FBXL18: variants seen among roughly 807,000 people sequenced by gnomAD.
FBXL18 encodes F-box/LRR-repeat protein 18.
A neutral mutation model predicts 46.0 loss-of-function variants in FBXL18; 36 were observed. That is an observed-to-expected ratio of 0.78 (90% CI 0.60 to 1.03). The LOEUF (loss-of-function observed/expected upper bound fraction) is 1.03, where lower values mean the gene tolerates loss of function less well. FBXL18 is among the 50% of genes least tolerant of loss of function. FBXL18 has a pLI of 0.00. For missense variants in FBXL18, 977 were observed against 1,004.1 expected (o/e 0.97, Z 0.36); for synonymous variants, 557 against 465.3 (o/e 1.20, Z -2.54).
chr7:5,462,593 T>C (rs1341141391), intron 4 of FBXL18, among the ~76,000 whole-genome samples: 2 of 152,092 alleles, frequency 1.3e-5, no homozygotes, highest in Non-Finnish European at 2.9e-5. Context: ...TCTCAAATGC[T>C]TGCTCTCAGG....
Position 5,500,901 on chromosome 7 carries a change from C to G in FBXL18, c.1368G>C (p.Val456=), listed in dbSNP as rs775234376. 4 of 1,576,540 alleles carry G rather than the reference C, an allele frequency of 2.5e-6. No homozygotes were observed. The East Asian group carries it at 9.0e-5, about 36-fold the overall frequency. The part of the protein sequence containing the change: ...RGFGKKVRVG[V]QSCPSPFSGQ... ...CCGAGAAGGGGCTGGGACAGGACTG[C>G]ACGCCCACACGCACTTTCTTGCCAA... Residue 456 remains valine, a synonymous_variant, in exon 3 of 5, where the codon GTG becomes GTC. Transcript: ENST00000382368.
Position 5,496,349 on chromosome 7 carries a change from T to G in FBXL18, c.1781+4139A>C, listed in dbSNP as rs1446224176. Among the ~76,000 whole-genome samples, 10 of 152,068 alleles carry G rather than the reference T, an allele frequency of 6.6e-5. No homozygotes were observed. The East Asian group carries it at 1.9e-3, about 29-fold the overall frequency. On this transcript the variant is annotated intron_variant, in intron 3 of 4. Transcript: ENST00000382368. The surrounding 1 kb of genome is among the most constrained non-coding windows in gnomAD (Gnocchi z 4.8). The stretch of plus-strand genomic sequence containing the variant: ...TGCCTCTTGCTTCCGGAACACCCCC[T>G]CCCTCCGGCCAGTGCCTCCCTTGCT...
At chr7:5,508,507 G>A (rs1303072488) in intron 1 of FBXL18, among the ~76,000 whole-genome samples, 5 of 151,536 alleles carry the variant, frequency 3.3e-5, no homozygotes, top group Non-Finnish European at 5.9e-5. Flanking sequence ...TACTCAAGAG[G>A]CTGAGGTGGG....
chr7:5,462,553 A>G (rs1191839203), intron 4 of FBXL18, among the ~76,000 whole-genome samples: 1 of 152,106 alleles, frequency 6.6e-6, no homozygotes, highest in Non-Finnish European at 1.5e-5. Context: ...TGGCCAAATG[A>G]GGTTGAGAGA....
In FBXL18 at chr7:5,477,230, A is replaced by G. The variant is rs774202456; in HGVS notation, c.*4545T>C. Among the ~76,000 whole-genome samples, 2 of 151,992 alleles carry G rather than the reference A, an allele frequency of 1.3e-5. No individual in the cohort carries two copies. Among genetic ancestry groups the G allele is most frequent in the African/African-American group, 4.8e-5 (2 of 41,378 alleles). On this transcript the variant is annotated 3_prime_UTR_variant, in exon 5 of 5. Transcript: ENST00000382368. The surrounding 1 kb of genome is among the most constrained non-coding windows in gnomAD (Gnocchi z 4.4). ...CTTGAATCCCACACCCCCAAGTGCA[A>G]ATGAGACCCATGACCATCACAAAGA...
At position 5,496,691 on chromosome 7, in the gene FBXL18, G is replaced by C. The variant is rs796714366; in HGVS notation, c.1781+3797C>G. ...GAGCCCAGGAGTTCAAGACCAGCCCGGGCAACACAGCAAGACCCCGTCTCT... is the reference window on the plus strand; with the variant it reads ...GAGCCCAGGAGTTCAAGACCAGCCCCGGCAACACAGCAAGACCCCGTCTCT... On this transcript the variant is annotated intron_variant, in intron 3 of 4. Transcript: ENST00000382368. The surrounding 1 kb of genome is among the most constrained non-coding windows in gnomAD (Gnocchi z 4.8). Among the ~76,000 whole-genome samples, 1 of 152,080 alleles carries C rather than the reference G, an allele frequency of 6.6e-6. No individual in the cohort carries two copies. Among genetic ancestry groups the C allele is most frequent in the African/African-American group, 2.4e-5 (1 of 41,392 alleles).
At chr7:5,510,135 C>T (rs533024220) in intron 1 of FBXL18, among the ~76,000 whole-genome samples, 27 of 151,424 alleles carry the variant, frequency 1.8e-4, no homozygotes, top group Admixed American at 9.2e-4. Context: ...AACCCCATCT[C>T]GACTAAAAAT....
intron 4 of FBXL18, among the ~76,000 whole-genome samples, chr7:5,483,037 C>CA (rs1160643136): frequency 1.1e-3 from 138 of 125,730 alleles, no homozygotes; most frequent in Admixed American, 2.9e-3. Context: ...GACCCTGTCT[C>CA]AAAAAAAAAA....
In FBXL18 at chr7:5,500,933, G is replaced by T. The variant is rs961752222; in HGVS notation, c.1336C>A (p.Arg446Ser). The change falls in exon 3 of 5, where the codon CGC (arginine) becomes AGC (serine). Residue 446 changes from arginine to serine, a missense_variant. Physicochemically the swap from Arg to Ser is moderately radical, Grantham distance 110. Coordinates refer to ENST00000382368, the MANE Select transcript of FBXL18 (RefSeq NM_024963.6). ...PAQPAMHAVP[R>S]GFGKKVRVGV... ...ACACGCACTTTCTTGCCAAAGCCGCGCGGCACTGCGTGCATGGCCGGCTGG... is the reference window on the plus strand; with the variant it reads ...ACACGCACTTTCTTGCCAAAGCCGCTCGGCACTGCGTGCATGGCCGGCTGG... The T allele has an allele frequency of 4.5e-6, 7 of 1,557,136 alleles. No homozygotes were observed. Among genetic ancestry groups the T allele is most frequent in the Middle Eastern group, 1.7e-4 (1 of 5,840 alleles).
intron 4 of FBXL18, among the ~76,000 whole-genome samples, chr7:5,467,136 G>T (rs932740819): frequency 6.6e-6 from 1 of 152,170 alleles, no homozygotes; most frequent in Non-Finnish European, 1.5e-5. Context: ...CGGATCACGA[G>T]TTCAGGAGAT....
chr7:5,491,965 G>A (rs1366650416), intron 3 of FBXL18, among the ~76,000 whole-genome samples: 1 of 151,836 alleles, frequency 6.6e-6, no homozygotes, highest in Non-Finnish European at 1.5e-5. Context: ...GAGGCAGGGG[G>A]TAAGGTGGGC....
At chr7:5,469,293 T>A (rs1410920403) in intron 4 of FBXL18, among the ~76,000 whole-genome samples, 2 of 152,154 alleles carry the variant, frequency 1.3e-5, no homozygotes, top group African/African-American at 4.8e-5. Context: ...GCACCTGTAA[T>A]CCCAGCTACT....
chr7:5,506,197 GCCT>G (rs1784390194), intron 1 of FBXL18, among the ~76,000 whole-genome samples: 1 of 152,016 alleles, frequency 6.6e-6, no homozygotes. Flanking sequence ...CTGGGCTCCA[GCCT>G]CCCAAAGGGC....
intron 4 of FBXL18, among the ~76,000 whole-genome samples, chr7:5,458,421 C>T (rs1350729060): frequency 6.6e-6 from 1 of 152,126 alleles, no homozygotes; most frequent in African/African-American, 2.4e-5. Flanking sequence ...AAAAATTGGC[C>T]GGGCGTGGTG....
chr7:5,512,466 T>C (rs1562711207), intron 1 of FBXL18, among the ~76,000 whole-genome samples: 2 of 151,976 alleles, frequency 1.3e-5, no homozygotes, highest in Admixed American at 6.6e-5. Context: ...AATACAAAAA[T>C]TAGCCAGGTG....
At chr7:5,503,935 C>G (rs1402653458) in intron 2 of FBXL18, among the ~76,000 whole-genome samples, 1 of 150,850 alleles carries the variant, frequency 6.6e-6, no homozygotes, top group Non-Finnish European at 1.5e-5. Context: ...CCACTGCACT[C>G]TAGCCTGGGC....
chr7:5,506,411 C>T lies in FBXL18; in HGVS notation c.19-781G>A, dbSNP rs560596800. 5.2e-4 allele frequency among the ~76,000 whole-genome samples: 79 copies of T among 151,840 alleles called. 2 individuals are homozygous for T. The highest frequency in any genetic ancestry group is 7.1e-4 in the Non-Finnish European group (48 of 67,904). ...TTACAGGCGACTGCCACCACGCCCA[C>T]GCCCGGCTAATTTTTGTATTTTTAG... On this transcript the variant is annotated intron_variant, in intron 1 of 4. Transcript: ENST00000382368.
chr7:5,502,060 G>A (rs1427133813), intron 2 of FBXL18, 29 bp from the exon 3 acceptor site: 2 of 1,507,996 alleles, frequency 1.3e-6, no homozygotes, highest in East Asian at 2.4e-5. Context: ...GTGGGGAGAG[G>A]AAGGAAAGGG....
Position 5,500,975 on chromosome 7 carries a change from C to G in FBXL18, c.1294G>C (p.Ala432Pro). ...GCCGGCTGGGCGGGCGCGCGGTCGG[C>G]GCGCGGCGCGGAGTCAGCGACAGAG... The part of the protein sequence containing the change: ...VCSVADSAPR[A>P]DRAPAQPAMH... The change falls in exon 3 of 5, where the codon GCC becomes CCC. Residue 432 changes from alanine to proline, a missense_variant. Coordinates refer to ENST00000382368, the MANE Select transcript of FBXL18 (RefSeq NM_024963.6). 1 of 1,541,202 alleles carries G rather than the reference C, an allele frequency of 6.5e-7. No homozygotes were observed. The highest frequency in any genetic ancestry group is 8.7e-7 in the Non-Finnish European group (1 of 1,150,478).
Sources: gnomAD v4.1 joint callset for allele counts (sites outside exome capture counted in the v4.1 genomes callset) on GRCh38, gnomAD v4.1.1 for gene constraint, Gnocchi (gnomAD v3.1) non-coding constraint, MANE v1.5 for transcripts, NCBI Gene and HGNC (gene_info 2026-07-23, HGNC 2026-07-21) for gene names.